The following DEUP1 variants were observed in gnomAD, a reference collection of about 807,000 sequenced individuals.
DEUP1 encodes deuterosome assembly protein 1, also known as coiled-coil domain containing 67.
DEUP1 carries 82 observed loss-of-function variants against 87.4 expected under a neutral mutation model. The ratio of observed to expected loss-of-function variants is 0.94; its 90% confidence interval spans 0.78 to 1.13. DEUP1 has a LOEUF of 1.13. Ranked by LOEUF, DEUP1 falls within the 50% of genes most tolerant of loss-of-function variation. DEUP1 has a pLI of 0.00. For synonymous variants in DEUP1, 214 were observed against 222.7 expected, an observed-to-expected ratio of 0.96 and a Z score of 0.35; for missense variants, 663 against 681.5, an observed-to-expected ratio of 0.97 and a Z score of 0.30.
intron 11 of DEUP1, among the ~76,000 whole-genome samples, chr11:93,406,639 T>C (rs1026356203): frequency 2.0e-5 from 3 of 151,874 alleles, no homozygotes; most frequent in Non-Finnish European, 4.4e-5. Context: ...TAAAAAACTT[T>C]GTGTATAAAA....
In DEUP1 at chr11:93,364,266, A is replaced by C. The variant is rs375374498; in HGVS notation, c.404A>C (p.Glu135Ala). Residue 135 changes from glutamate (E) to alanine (A), a missense_variant, in exon 5 of 14, where the codon GAA (glutamate) becomes GCA (alanine). Transcript: ENST00000298050. ...LPHLKEEIPF[E>A]LSNLNQKLEE... The stretch of plus-strand genomic sequence containing the variant: ...CACCTTAAAGAAGAAATACCCTTTG[A>C]ACTGAGCAATTTGAACCAGAAATTA... The C allele has an allele frequency of 6.2e-7, 1 of 1,610,088 alleles. No homozygotes were observed.
intron 13 of DEUP1, among the ~76,000 whole-genome samples, chr11:93,419,421 A>G (rs1389009538): frequency 1.3e-5 from 2 of 152,196 alleles, no homozygotes; most frequent in African/African-American, 4.8e-5. Context: ...AAACATTAAT[A>G]AAGTGAAAAC....
intron 2 of DEUP1, among the ~76,000 whole-genome samples, chr11:93,335,408 A>T (rs1026757671): frequency 6.6e-6 from 1 of 152,180 alleles, no homozygotes. Context: ...ATAATCAAAC[A>T]TTTTAATTGT....
chr11:93,372,025 T>C (rs1945755689), intron 7 of DEUP1, among the ~76,000 whole-genome samples: 1 of 149,772 alleles, frequency 6.7e-6, no homozygotes, highest in African/African-American at 2.5e-5. Context: ...GCCTCCTGGG[T>C]TCACGCCATT....
rs1158927457 is a variant in DEUP1 at position 93,339,367 on chromosome 11, A to G, written c.29+7079A>G. Among the ~76,000 whole-genome samples the G allele has an allele frequency of 2.6e-5, 4 of 152,238 alleles. No homozygotes were observed. In the East Asian group the frequency reaches 7.7e-4, roughly 29 times the overall value. On this transcript the variant is annotated intron_variant, in intron 2 of 13. Coordinates refer to ENST00000298050, the MANE Select transcript of DEUP1 (RefSeq NM_181645.4). ...CTAGGTGCACTATACAATCCATGCA[A>G]TGAAATGGTTTCCAAATTTTCTCTA...
chr11:93,380,296 T>C (rs556042692), intron 7 of DEUP1, among the ~76,000 whole-genome samples: 33 of 150,794 alleles, frequency 2.2e-4, no homozygotes, highest in African/African-American at 7.8e-4. Flanking sequence ...CCGTAGCTAA[T>C]AACAACTACC....
At chr11:93,335,741 A>G (rs1412904869) in intron 2 of DEUP1, among the ~76,000 whole-genome samples, 1 of 152,246 alleles carries the variant, frequency 6.6e-6, no homozygotes, top group Non-Finnish European at 1.5e-5. Context: ...AATCAATAAT[A>G]TCTTTGTTCA....
intron 12 of DEUP1, among the ~76,000 whole-genome samples, chr11:93,413,312 G>T (rs1947500806): frequency 6.6e-6 from 1 of 151,028 alleles, no homozygotes; most frequent in Admixed American, 6.6e-5. Context: ...CGCAATCTCG[G>T]CTCACTGCAA....
intron 7 of DEUP1, among the ~76,000 whole-genome samples, chr11:93,382,760 A>G (rs1946356673): frequency 6.6e-6 from 1 of 152,242 alleles, no homozygotes. Context: ...TATGGGAGAC[A>G]TTCACATTAA....
intron 2 of DEUP1, among the ~76,000 whole-genome samples, chr11:93,337,430 C>T (rs2134151203): frequency 1.3e-5 from 2 of 150,712 alleles, no homozygotes; most frequent in East Asian, 1.9e-4. Flanking sequence ...ATTATTTTTG[C>T]ACATTGAAAA....
At chr11:93,331,365 A>C (rs1591060675) in intron 1 of DEUP1, among the ~76,000 whole-genome samples, 1 of 130,980 alleles carries the variant, frequency 7.6e-6, no homozygotes, top group Non-Finnish European at 1.7e-5. Context: ...ACTGAGAAAA[A>C]CTTTTTTTTT....
chr11:93,359,932 T>G (rs1365179221), intron 4 of DEUP1, among the ~76,000 whole-genome samples: 1 of 152,034 alleles, frequency 6.6e-6, no homozygotes, highest in Non-Finnish European at 1.5e-5. Flanking sequence ...CACTAGACAT[T>G]AACAAGGCCC....
At chr11:93,355,217 T>G (rs540410474) in intron 2 of DEUP1, among the ~76,000 whole-genome samples, 154 bp from the exon 3 acceptor site, 3 of 152,370 alleles carry the variant, frequency 2.0e-5, no homozygotes, top group African/African-American at 7.2e-5. Flanking sequence ...TTATTAATTT[T>G]AAAAATTAAC....
chr11:93,414,950 T>C (rs752776712), intron 12 of DEUP1, 50 bp from the exon 13 acceptor site: 1 of 1,027,112 alleles, frequency 9.7e-7, no homozygotes, highest in Non-Finnish European at 1.4e-6. Flanking sequence ...GCTACATAAA[T>C]AAACATGTGT....
At chr11:93,396,210 T>C (rs1946940968) in intron 10 of DEUP1, 29 bp from the exon 11 acceptor site, 1 of 1,350,820 alleles carries the variant, frequency 7.4e-7, no homozygotes, top group East Asian at 2.5e-5. Context: ...TTATGAATTT[T>C]ACATTTGCCT....
At chr11:93,406,832 T>A (rs1947294674) in intron 11 of DEUP1, among the ~76,000 whole-genome samples, 2 of 151,674 alleles carry the variant, frequency 1.3e-5, no homozygotes, top group African/African-American at 4.8e-5. Flanking sequence ...GACACCCTAA[T>A]GAAAAAATAA....
intron 2 of DEUP1, among the ~76,000 whole-genome samples, chr11:93,340,581 G>T (rs577258343): frequency 6.6e-6 from 1 of 152,288 alleles, no homozygotes; most frequent in African/African-American, 2.4e-5. Context: ...AGTTGCTATG[G>T]GAAGAATAGA....
chr11:93,397,169 A>T (rs941461207), intron 11 of DEUP1, among the ~76,000 whole-genome samples: 3 of 152,136 alleles, frequency 2.0e-5, no homozygotes, highest in African/African-American at 7.2e-5. Flanking sequence ...GAGGGAGTTG[A>T]ATTAGACATT....
At chr11:93,417,003 T>A (rs1331858887) in intron 13 of DEUP1, among the ~76,000 whole-genome samples, 1 of 152,036 alleles carries the variant, frequency 6.6e-6, no homozygotes, top group East Asian at 1.9e-4. Context: ...AAACTCTCAA[T>A]AAATTAGGTA....
Sources: allele counts gnomAD v4.1 joint callset (sites outside exome capture counted in the v4.1 genomes callset), GRCh38; gene constraint gnomAD v4.1.1; transcripts MANE v1.5; gene names NCBI Gene and HGNC (gene_info 2026-07-23, HGNC 2026-07-21).